The following HEMK2 variants were observed in gnomAD, a reference collection of about 807,000 sequenced individuals.
HEMK2 encodes HemK methyltransferase 2, ETF1 glutamine and histone H4 lysine, also known as methyltransferase HEMK2.
the HEMK2 span, among the ~76,000 whole-genome samples, chr21:28,664,187 C>A: frequency 6.6e-6 from 1 of 152,134 alleles, no homozygotes. Flanking sequence ...ATAAGAAAAT[C>A]TTTTACCCAT....
chr21:28,601,645 T>TCTCTCTC, the HEMK2 span, among the ~76,000 whole-genome samples: 1 of 150,738 alleles, frequency 6.6e-6, no homozygotes. Context: ...TCTCTCTCTC[T>TCTCTCTC]TTCTGTAATT....
the HEMK2 span, among the ~76,000 whole-genome samples, chr21:28,679,080 A>G: frequency 0.019 from 2,867 of 152,332 alleles, 92 homozygotes; most frequent in African/African-American, 0.064. Flanking sequence ...AAATGCTCCA[A>G]TTAAAAGACA....
the HEMK2 span, among the ~76,000 whole-genome samples, chr21:28,861,287 A>AG: frequency 6.6e-6 from 1 of 152,202 alleles, no homozygotes; most frequent in African/African-American, 2.4e-5. Flanking sequence ...CTGCTGTAAT[A>AG]AACAGCAGAG....
chr21:28,654,866 C>T, the HEMK2 span, among the ~76,000 whole-genome samples: 1 of 152,046 alleles, frequency 6.6e-6, no homozygotes. Context: ...GCCAAGGATA[C>T]AAAATGCTGG....
the HEMK2 span, among the ~76,000 whole-genome samples, chr21:28,809,006 G>C: frequency 6.6e-6 from 1 of 152,126 alleles, no homozygotes; most frequent in African/African-American, 2.4e-5. Context: ...TTGCTAGTTT[G>C]TGCAAAAAGA....
the HEMK2 span, among the ~76,000 whole-genome samples, chr21:28,593,964 T>C: frequency 0.44 from 66,458 of 151,990 alleles, 14,793 homozygotes; most frequent in Middle Eastern, 0.51. Context: ...CAGCAAAATT[T>C]GACAAACACT....
At chr21:28,684,180 T>C in the HEMK2 span, among the ~76,000 whole-genome samples, 2 of 152,226 alleles carry the variant, frequency 1.3e-5, no homozygotes, top group Admixed American at 6.5e-5. Flanking sequence ...CCATTGTGTG[T>C]TTCCTTATCC....
At chr21:28,580,337 T>C in the HEMK2 span, among the ~76,000 whole-genome samples, 1 of 152,068 alleles carries the variant, frequency 6.6e-6, no homozygotes, top group African/African-American at 2.4e-5. Context: ...GGCAGTTCTC[T>C]ACAGAGCCCT....
the HEMK2 span, among the ~76,000 whole-genome samples, chr21:28,831,474 A>AGAAG: frequency 2.4e-5 from 1 of 42,390 alleles, no homozygotes; most frequent in East Asian, 8.4e-4. Context: ...AAAGAAAGAA[A>AGAAG]GAAAGAAAGA....
chr21:28,701,405 G>A, the HEMK2 span, among the ~76,000 whole-genome samples: 2 of 151,948 alleles, frequency 1.3e-5, no homozygotes, highest in East Asian at 3.9e-4. Flanking sequence ...CCATACCTCT[G>A]ACCAAAACCC....
At chr21:28,809,488 T>C in the HEMK2 span, among the ~76,000 whole-genome samples, 1 of 152,210 alleles carries the variant, frequency 6.6e-6, no homozygotes, top group Non-Finnish European at 1.5e-5. Context: ...TAAATACTTG[T>C]ACAGCTAACA....
At chr21:28,581,154 G>C in the HEMK2 span, among the ~76,000 whole-genome samples, 2 of 151,498 alleles carry the variant, frequency 1.3e-5, no homozygotes, top group African/African-American at 4.9e-5. Flanking sequence ...AATCTGGTGA[G>C]ACAGAACATA....
the HEMK2 span, among the ~76,000 whole-genome samples, chr21:28,659,535 C>G: frequency 2.0e-5 from 3 of 151,948 alleles, no homozygotes; most frequent in African/African-American, 7.2e-5. Flanking sequence ...AAGGTAGAAA[C>G]CAAAGAGAAC....
the HEMK2 span, among the ~76,000 whole-genome samples, chr21:28,790,795 A>G: frequency 7.3e-6 from 1 of 136,228 alleles, no homozygotes; most frequent in Non-Finnish European, 1.5e-5. Context: ...GAATATTTTG[A>G]CACAGGAAGG....
At chr21:28,823,505 A>G in the HEMK2 span, among the ~76,000 whole-genome samples, 17,010 of 152,156 alleles carry the variant, frequency 0.11, 2,370 homozygotes, top group African/African-American at 0.32. Flanking sequence ...GTTTACATGG[A>G]ATCTCTGTTT....
At chr21:28,588,949 C>G in the HEMK2 span, among the ~76,000 whole-genome samples, 3 of 147,966 alleles carry the variant, frequency 2.0e-5, no homozygotes, top group Non-Finnish European at 3.0e-5. Flanking sequence ...CGCCACTGCA[C>G]TCCAGCCTGG....
chr21:28,714,982 T>C, the HEMK2 span, among the ~76,000 whole-genome samples: 10,598 of 152,304 alleles, frequency 0.07, 532 homozygotes, highest in Non-Finnish European at 0.1. Flanking sequence ...CATTCTTTTT[T>C]ATAGCTTTGT....
At chr21:28,881,333 A>G in the HEMK2 span, among the ~76,000 whole-genome samples, 3 of 152,224 alleles carry the variant, frequency 2.0e-5, no homozygotes, top group Non-Finnish European at 2.9e-5. Context: ...TTTGAAGCCA[A>G]TCATCTCCAC....
the HEMK2 span, among the ~76,000 whole-genome samples, chr21:28,665,977 T>G: frequency 6.6e-6 from 1 of 152,222 alleles, no homozygotes; most frequent in Non-Finnish European, 1.5e-5. Flanking sequence ...TAAAATAAAC[T>G]TATAAATCTG....
Sources: gnomAD v4.1 joint callset for allele counts (sites outside exome capture counted in the v4.1 genomes callset) on GRCh38, gnomAD v4.1.1 for gene constraint, MANE v1.5 for transcripts, NCBI Gene and HGNC (gene_info 2026-07-23, HGNC 2026-07-21) for gene names.